The following SLC7A2 variants were observed in gnomAD, a reference collection of about 807,000 sequenced individuals.
The protein encoded by SLC7A2 is solute carrier family 7 member 2.
Under a neutral mutation model 58.9 loss-of-function variants are expected in SLC7A2, and 48 were observed. That is an observed-to-expected ratio of 0.82 (90% confidence interval 0.65 to 1.04). The LOEUF (loss-of-function observed/expected upper bound fraction) is 1.04. SLC7A2 is among the 50% of genes least tolerant of loss of function. The probability of loss-of-function intolerance (pLI) is 0.00; values close to 1 mark genes in which losing one functional copy is unlikely to be tolerated. For missense variants in SLC7A2, 1,029 were observed against 818.8 expected, an observed-to-expected ratio of 1.26 and a Z score of -3.13; for synonymous variants, 363 against 314.5, an observed-to-expected ratio of 1.15 and a Z score of -1.63.
chr8:17,522,697 A>G (rs1049502875), intron 2 of SLC7A2, among the ~76,000 whole-genome samples: 4 of 151,486 alleles, frequency 2.6e-5, no homozygotes, highest in African/African-American at 9.7e-5. Context: ...GCTAATAGCT[A>G]GTGAGGGAAA....
chr8:17,546,765 G>T (rs55767655), intron 4 of SLC7A2, among the ~76,000 whole-genome samples: 19,964 of 152,064 alleles, frequency 0.13, 1,791 homozygotes, highest in Non-Finnish European at 0.2. Flanking sequence ...ATGGTGGGTG[G>T]TATAGATACG....
chr8:17,542,623 C>T (rs1459153352), intron 2 of SLC7A2, among the ~76,000 whole-genome samples: 1 of 149,486 alleles, frequency 6.7e-6, no homozygotes, highest in African/African-American at 2.4e-5. Flanking sequence ...TGTGCTGCAG[C>T]CTGGGTGACA....
At chr8:17,536,933 A>G (rs759553254) in intron 2 of SLC7A2, among the ~76,000 whole-genome samples, 3 of 152,222 alleles carry the variant, frequency 2.0e-5, no homozygotes, top group Non-Finnish European at 4.4e-5. Context: ...ACCCAGCGTT[A>G]GAAGCGCAGC....
chr8:17,554,861 G>T, intron 8 of SLC7A2, 162 bp downstream of exon 8: 1 of 1,491,124 alleles, frequency 6.7e-7, no homozygotes, highest in Non-Finnish European at 9.1e-7. Flanking sequence ...CTGCATTTTC[G>T]TGTGTCCAGT....
At chr8:17,544,661 A>C in intron 4 of SLC7A2, 55 bp downstream of exon 4, 1 of 1,507,106 alleles carries the variant, frequency 6.6e-7, no homozygotes, top group Non-Finnish European at 9.1e-7. Context: ...TTGTCTCAGG[A>C]AAATAGGTTA....
intron 2 of SLC7A2, among the ~76,000 whole-genome samples, chr8:17,503,195 C>T (rs1251390418): frequency 2.0e-5 from 3 of 151,922 alleles, no homozygotes; most frequent in Non-Finnish European, 4.4e-5. Context: ...GGACTACAGG[C>T]GCCCGCCACC....
chr8:17,505,807 T>G (rs893592011), intron 2 of SLC7A2, among the ~76,000 whole-genome samples: 3 of 152,198 alleles, frequency 2.0e-5, no homozygotes, highest in Non-Finnish European at 2.9e-5. Context: ...TAGAAATCTC[T>G]GAGATTTAAT....
chr8:17,527,451 A>G (rs1237133519), intron 2 of SLC7A2, among the ~76,000 whole-genome samples: 1 of 152,212 alleles, frequency 6.6e-6, no homozygotes, highest in African/African-American at 2.4e-5. Flanking sequence ...CTAAAGGAAT[A>G]TATTAATTTC....
intron 2 of SLC7A2, among the ~76,000 whole-genome samples, chr8:17,516,504 G>A (rs547915562): frequency 5.9e-5 from 9 of 152,330 alleles, no homozygotes; most frequent in Admixed American, 2.0e-4. Flanking sequence ...GATGACAGGC[G>A]TGAGCCACCG....
intron 9 of SLC7A2, 55 bp downstream of exon 9, chr8:17,558,452 G>T: frequency 1.8e-6 from 2 of 1,128,020 alleles, no homozygotes; most frequent in South Asian, 2.8e-5. Flanking sequence ...CTCTGGGAGT[G>T]AGAAAATGAG....
At chr8:17,506,206 T>C (rs897778502) in intron 2 of SLC7A2, among the ~76,000 whole-genome samples, 1 of 152,192 alleles carries the variant, frequency 6.6e-6, no homozygotes, top group African/African-American at 2.4e-5. Flanking sequence ...ATAGTGGGTG[T>C]TGATAAAATT....
chr8:17,570,305 A>G lies in SLC7A2; in HGVS notation c.*5159A>G, dbSNP rs1050196932. ...TATTTTGTTATTGCAGTACTTAATA[A>G]AAATTGTTGATAGGGCCCAAAACCC... On this transcript the variant is annotated 3_prime_UTR_variant, in exon 13 of 13. Coordinates refer to ENST00000494857, the MANE Select transcript of SLC7A2 (RefSeq NM_001370338.1). 3 of 152,550 alleles carry G rather than the reference A, an allele frequency of 2.0e-5. No individual in the cohort carries two copies. Among genetic ancestry groups the G allele is most frequent in the Admixed American group, 6.5e-5 (1 of 15,286 alleles). The allele number at this position is 152,550 out of a possible 1,614,324, so 9.4% of individuals were successfully genotyped here. A position where few individuals can be genotyped will look rare whatever the true frequency, so the allele number is the denominator to read the frequency against.
At chr8:17,564,432 A>C (rs1419354977) in intron 12 of SLC7A2, among the ~76,000 whole-genome samples, 1 of 152,164 alleles carries the variant, frequency 6.6e-6, no homozygotes, top group Non-Finnish European at 1.5e-5. Context: ...TTGATCAAGG[A>C]CACCTTCTGT....
At chr8:17,507,316 A>C (rs930198039) in intron 2 of SLC7A2, among the ~76,000 whole-genome samples, 1 of 152,038 alleles carries the variant, frequency 6.6e-6, no homozygotes, top group Admixed American at 6.6e-5. Flanking sequence ...GGTTAACTAT[A>C]ATTTATTATA....
chr8:17,521,813 A>C (rs770077044), intron 2 of SLC7A2, among the ~76,000 whole-genome samples: 7 of 152,228 alleles, frequency 4.6e-5, no homozygotes, highest in African/African-American at 1.7e-4. Context: ...AAAGGAAGAA[A>C]TCAAACCCAA....
rs748399139 is a variant in SLC7A2, at chr8:17,544,591, A to G, written c.517A>G (p.Ile173Val). 27 of 1,613,798 alleles carry G rather than the reference A, an allele frequency of 1.7e-5. No homozygotes were observed. Among genetic ancestry groups the G allele is most frequent in the Non-Finnish European group, 2.1e-5 (25 of 1,179,878 alleles). Reference sequence around the variant, plus strand: ...TCCCGATTTTTTTGCTGTGTGCCTTATATTACTTCTAGCAGGTAAGAAAAC... The same window carrying G: ...TCCCGATTTTTTTGCTGTGTGCCTTGTATTACTTCTAGCAGGTAAGAAAAC... ...EYPDFFAVCL[I>V]LLLAGLLSFG... Residue 173 changes from isoleucine to valine, a missense_variant, in exon 4 of 13, where the codon ATA becomes GTA. Physicochemically the swap from Ile to Val is conservative, Grantham distance 29. Coordinates refer to ENST00000494857, the MANE Select transcript of SLC7A2 (RefSeq NM_001370338.1).
intron 2 of SLC7A2, among the ~76,000 whole-genome samples, chr8:17,525,808 G>A (rs2517241): frequency 0.7 from 106,784 of 151,508 alleles, 38,027 homozygotes; most frequent in African/African-American, 0.79. Context: ...TTCCAGTGAA[G>A]GATTCTTAAA....
At chr8:17,564,893 A>T in intron 12 of SLC7A2, 57 bp from the exon 13 acceptor site, 2 of 1,386,346 alleles carry the variant, frequency 1.4e-6, no homozygotes, top group East Asian at 2.3e-5. Flanking sequence ...TCAATAACTT[A>T]AAAGTCATTT....
In SLC7A2 at chr8:17,565,307, T is replaced by C. The variant is rs1469217872; in HGVS notation, c.*161T>C. The C allele has an allele frequency of 1.6e-6, 1 of 607,332 alleles. No homozygotes were observed. 37.6% of individuals were successfully genotyped at this position (607,332 alleles called of 1,614,324 possible). A position where few individuals can be genotyped will look rare whatever the true frequency, so the allele number is the denominator to read the frequency against. ...ATCTGGACAGCATCTCCTCAGATGG[T>C]GAATTATGTGCACGGGGAAACCTCC... On this transcript the variant is annotated 3_prime_UTR_variant, in exon 13 of 13. Coordinates refer to ENST00000494857, the MANE Select transcript of SLC7A2 (RefSeq NM_001370338.1).
Sources: allele counts gnomAD v4.1 joint callset (sites outside exome capture counted in the v4.1 genomes callset), GRCh38; gene constraint gnomAD v4.1.1; transcripts MANE v1.5; gene names NCBI Gene and HGNC (gene_info 2026-07-23, HGNC 2026-07-21).